The following MBD5 variants were observed in gnomAD, a reference collection of about 807,000 sequenced individuals.
The protein encoded by MBD5 is methyl-CpG-binding domain protein 5.
Under a neutral mutation model 117.3 loss-of-function variants are expected in MBD5, and 13 were observed. The ratio of observed to expected loss-of-function variants is 0.11; its 90% confidence interval spans 0.07 to 0.18. The LOEUF (loss-of-function observed/expected upper bound fraction) is 0.18. Among genes scored for constraint, MBD5 ranks in the 10% least tolerant of loss-of-function variants. MBD5 has a pLI of 1.00. For synonymous variants in MBD5, 727 were observed against 766.4 expected, an observed-to-expected ratio of 0.95 and a Z score of 0.85; for missense variants, 1,879 against 2,093.8, an observed-to-expected ratio of 0.90 and a Z score of 2.00.
chr2:148,453,590 TA>T (rs1253622059), intron 4 of MBD5, among the ~76,000 whole-genome samples: 3 of 152,098 alleles, frequency 2.0e-5, no homozygotes, highest in Non-Finnish European at 2.9e-5. Context: ...TTATTGGGCT[TA>T]AATGAAGCCA....
intron 4 of MBD5, among the ~76,000 whole-genome samples, chr2:148,432,140 T>C (rs1028972444): frequency 6.6e-6 from 1 of 152,186 alleles, no homozygotes; most frequent in East Asian, 1.9e-4. Context: ...TTAAGCATTT[T>C]TTCATGTGCT....
chr2:148,047,576 G>A (rs1049081193), intron 1 of MBD5, among the ~76,000 whole-genome samples: 21 of 152,162 alleles, frequency 1.4e-4, no homozygotes, highest in African/African-American at 4.6e-4. Context: ...TTGTGTTTGT[G>A]CCACACAGGC....
chr2:148,468,505 G>C lies in MBD5; in HGVS notation c.562G>C (p.Gly188Arg). 1 of 1,613,826 alleles carries C rather than the reference G, an allele frequency of 6.2e-7. No homozygotes were observed. The highest frequency in any genetic ancestry group is 2.2e-5 in the East Asian group (1 of 44,856). ...MGRLYVQELP[G>R]SQQQELHPVY... ...AAGGCTATATGTACAAGAACTGCCT[G>C]GAAGCCAACAACAAGAACTCCACCC... Residue 188 changes from glycine to arginine, a missense_variant, in exon 8 of 14, where the codon GGA becomes CGA. Physicochemically the swap from Gly to Arg is moderately radical, Grantham distance 125. Transcript: ENST00000642680.
At chr2:148,377,803 G>T (rs1033573510) in intron 4 of MBD5, among the ~76,000 whole-genome samples, 1 of 152,218 alleles carries the variant, frequency 6.6e-6, no homozygotes, top group Non-Finnish European at 1.5e-5. Flanking sequence ...TTCTTTGAGG[G>T]TATCCTCGAC....
chr2:148,267,166 G>T (rs139402533), intron 3 of MBD5, among the ~76,000 whole-genome samples: 1 of 152,040 alleles, frequency 6.6e-6, no homozygotes, highest in African/African-American at 2.4e-5. Flanking sequence ...ACATCTATCC[G>T]TTTAAAAATG....
chr2:148,056,595 C>T (rs1694871159), intron 1 of MBD5, among the ~76,000 whole-genome samples: 1 of 151,884 alleles, frequency 6.6e-6, no homozygotes, highest in Non-Finnish European at 1.5e-5. Flanking sequence ...TCTGTTAATG[C>T]AGTGAATTAT....
At chr2:148,076,830 G>A (rs570195393) in intron 1 of MBD5, among the ~76,000 whole-genome samples, 19 of 152,278 alleles carry the variant, frequency 1.2e-4, no homozygotes, top group African/African-American at 4.3e-4. Context: ...TGAATAAAAC[G>A]CATCCATCCC....
At chr2:148,205,736 A>G (rs1190147448) in intron 2 of MBD5, among the ~76,000 whole-genome samples, 2 of 152,208 alleles carry the variant, frequency 1.3e-5, no homozygotes, top group African/African-American at 2.4e-5. Context: ...AAAAATATGT[A>G]GAAAATAGGC....
intron 4 of MBD5, among the ~76,000 whole-genome samples, chr2:148,395,597 G>A (rs1222186976): frequency 6.6e-6 from 1 of 151,844 alleles, no homozygotes; most frequent in Non-Finnish European, 1.5e-5. Context: ...GCTAATTTTT[G>A]TAGTTTTAGT....
chr2:148,462,898 T>C (rs954028141), intron 6 of MBD5, among the ~76,000 whole-genome samples: 2 of 152,190 alleles, frequency 1.3e-5, no homozygotes, highest in Admixed American at 6.6e-5. Context: ...GTCAAATCTA[T>C]ATTCATATTA....
At chr2:148,429,842 G>A (rs1055261596) in intron 4 of MBD5, among the ~76,000 whole-genome samples, 1 of 152,070 alleles carries the variant, frequency 6.6e-6, no homozygotes, top group African/African-American at 2.4e-5. Context: ...ACTGGGGCCT[G>A]TCATGGGGTG....
At chr2:148,179,640 C>CGTTCT in intron 2 of MBD5, among the ~76,000 whole-genome samples, 1 of 152,232 alleles carries the variant, frequency 6.6e-6, no homozygotes, top group East Asian at 1.9e-4. Flanking sequence ...TCACGTAGCA[C>CGTTCT]GTTCTGTTCA....
chr2:148,382,172 T>TAAAA (rs201647605), intron 4 of MBD5, among the ~76,000 whole-genome samples: 1 of 149,582 alleles, frequency 6.7e-6, no homozygotes, highest in Non-Finnish European at 1.5e-5. Flanking sequence ...GCAAATTGGA[T>TAAAA]AGTCAAGACC....
rs1680695737 is a variant in MBD5 at position 148,469,071 on chromosome 2, T to C, written c.1128T>C (p.Ile376=). The change falls in exon 8 of 14, where the codon ATT becomes ATC. Residue 376 remains isoleucine, a synonymous_variant. Coordinates refer to ENST00000642680, the MANE Select transcript of MBD5 (RefSeq NM_001378120.1). Reference sequence around the variant, plus strand: ...CAGTGAATCAGAACCCTGTTATCATTAATCCAACCAGTTTCCATTCAAATG... The same window carrying C: ...CAGTGAATCAGAACCCTGTTATCATCAATCCAACCAGTTTCCATTCAAATG... ...SKPVNQNPVI[I]NPTSFHSNVH... The C allele has an allele frequency of 1.2e-6, 2 of 1,613,946 alleles. No homozygotes were observed. The highest frequency in any genetic ancestry group is 8.5e-7 in the Non-Finnish European group (1 of 1,179,978).
chr2:148,323,373 G>A (rs1702343969), intron 3 of MBD5, among the ~76,000 whole-genome samples: 1 of 151,544 alleles, frequency 6.6e-6, no homozygotes, highest in Non-Finnish European at 1.5e-5. Context: ...TAATGGGATG[G>A]CTGGGTCAAA....
chr2:148,328,106 G>A (rs1251472453), intron 3 of MBD5, among the ~76,000 whole-genome samples: 1 of 152,170 alleles, frequency 6.6e-6, no homozygotes, highest in Non-Finnish European at 1.5e-5. Context: ...GGCCGTGTGA[G>A]GTGTCAGTCT....
chr2:148,033,752 GT>G (rs1221047795), intron 1 of MBD5, among the ~76,000 whole-genome samples: 1 of 152,062 alleles, frequency 6.6e-6, no homozygotes, highest in East Asian at 1.9e-4. Flanking sequence ...ATTGATGAAG[GT>G]ACTTCATCAG....
intron 3 of MBD5, among the ~76,000 whole-genome samples, chr2:148,240,335 G>A (rs1449750557): frequency 6.6e-6 from 1 of 151,962 alleles, no homozygotes; most frequent in Non-Finnish European, 1.5e-5. Context: ...GTTAATGGGT[G>A]CAGCACACCA....
intron 4 of MBD5, chr2:148,346,996 G>A (rs1486977106): frequency 6.6e-6 from 1 of 151,884 alleles, no homozygotes; most frequent in Admixed American, 6.6e-5. Flanking sequence ...GGCCAATCTT[G>A]TTTCATTTAT....
Sources: allele counts gnomAD v4.1 joint callset (sites outside exome capture counted in the v4.1 genomes callset), GRCh38; gene constraint gnomAD v4.1.1; transcripts MANE v1.5; gene names NCBI Gene and HGNC (gene_info 2026-07-23, HGNC 2026-07-21).